Variants in TRPM5 observed in about 807,000 individuals in gnomAD.
The protein encoded by TRPM5 is MLSN1 and TRP-related.
Under a neutral mutation model 124.9 loss-of-function variants are expected in TRPM5, and 121 were observed. The observed-to-expected ratio is 0.97, with a 90% CI of 0.84 to 1.13. The LOEUF (loss-of-function observed/expected upper bound fraction) is 1.13. Among genes scored for constraint, TRPM5 ranks in the 50% most tolerant of loss-of-function variants. The pLI is 0.00. For synonymous variants in TRPM5, 781 were observed against 700.5 expected, an observed-to-expected ratio of 1.11 and a Z score of -1.81; for missense variants, 1,643 against 1,589.1, an observed-to-expected ratio of 1.03 and a Z score of -0.58.
exon 8 of TRPM5, chr11:2,415,935 C>T (rs149066829): frequency 5.3e-5 from 84 of 1,578,878 alleles, no homozygotes; most frequent in Non-Finnish European, 6.9e-5. Context: ...TTGAAGATCT[C>T]ACTCTTGGCG....
intron 11 of TRPM5, 49 bp from the exon 17 acceptor site, chr11:2,414,255 C>T (rs749758208): frequency 3.6e-5 from 56 of 1,561,518 alleles, no homozygotes; most frequent in South Asian, 2.5e-4. Context: ...ATGCCCGGCC[C>T]GGCCCCCGAC....
At chr11:2,405,378 A>G (rs1245902508) in intron 23 of TRPM5, 149 bp downstream of exon 28, 18 of 805,260 alleles carry the variant, frequency 2.2e-5, no homozygotes, top group Non-Finnish European at 3.3e-5. Flanking sequence ...CACCCACACC[A>G]CCCTGAAGAG....
intron 6 of TRPM5, 41 bp downstream of exon 11, chr11:2,418,125 CG>C: frequency 6.8e-7 from 1 of 1,481,126 alleles, no homozygotes; most frequent in Non-Finnish European, 9.1e-7. Flanking sequence ...GCCCCACCCC[CG>C]GAGGAGGGGT....
chr11:2,405,724 C>T (rs1850305558), intron 22 of TRPM5, 131 bp from the exon 28 acceptor site: 1 of 1,048,802 alleles, frequency 9.5e-7, no homozygotes, highest in Non-Finnish European at 1.4e-6. Context: ...AGAGCTGCCG[C>T]TCACAGGCAG....
At chr11:2,416,681 C>T (rs1242559984) in intron 7 of TRPM5, among the ~76,000 whole-genome samples, 2 of 152,146 alleles carry the variant, frequency 1.3e-5, no homozygotes, top group East Asian at 1.9e-4. Context: ...CAGAGCCACC[C>T]GCAGTCCAGA....
rs143202055 is a variant in TRPM5, at chr11:2,416,115, G to A, written c.1010-91C>T. ...GGTCCCCAAAGGTGCGCTGCCTAGA[G>A]ACGCGGAAACGGGAACTTCACGCTG... On this transcript the variant is annotated intron_variant, in intron 7 of 23. Transcript: ENST00000155858. The A allele has an allele frequency of 1.5e-4, 137 of 914,508 alleles. No homozygotes were observed. In the East Asian group the frequency reaches 3.2e-3, roughly 22 times the overall value. 56.6% of individuals were successfully genotyped at this position (914,508 alleles called of 1,614,324 possible). A position where few individuals can be genotyped will look rare whatever the true frequency, so the allele number is the denominator to read the frequency against.
At chr11:2,415,232 C>A in exon 9 of TRPM5, 2 of 1,573,886 alleles carry the variant, frequency 1.3e-6, no homozygotes, top group East Asian at 2.3e-5. Flanking sequence ...CCGGTGGCCC[C>A]GCGGGTGGCT....
Position 2,405,492 on chromosome 11 carries a change from C to T in TRPM5, c.3391+35G>A, listed in dbSNP as rs1191779769. 6 of 1,543,616 alleles carry T rather than the reference C, an allele frequency of 3.9e-6. No homozygotes were observed. The Admixed American group carries it at 9.8e-5, about 25-fold the overall frequency. On this transcript the variant is annotated intron_variant, in intron 23 of 23. Transcript: ENST00000155858. Reference sequence around the variant, plus strand: ...AGCCGCTGCAGAGTGGGTGCCCATGCCCACCCTCATCCCACGCTCCCCAAA... The same window carrying T: ...AGCCGCTGCAGAGTGGGTGCCCATGTCCACCCTCATCCCACGCTCCCCAAA...
exon 15 of TRPM5, chr11:2,412,909 C>T: frequency 1.3e-6 from 2 of 1,598,136 alleles, no homozygotes; most frequent in Non-Finnish European, 1.7e-6. Context: ...CCCAGGAACA[C>T]AGTCACGGGA....
chr11:2,427,971 C>T (rs1281574027), upstream of TRPM5, among the ~76,000 whole-genome samples: 1 of 152,172 alleles, frequency 6.6e-6, no homozygotes, highest in Non-Finnish European at 1.5e-5. Flanking sequence ...GCTGCACAGC[C>T]GTGGGCCAGC....
Position 2,420,220 on chromosome 11 carries a change from A to AC in TRPM5, c.649+1dup. The AC allele has an allele frequency of 6.3e-7, 1 of 1,589,878 alleles. No homozygotes were observed. On this transcript the variant is annotated splice_donor_variant, in intron 4 of 23. Coordinates refer to ENST00000155858, the Ensembl canonical transcript of TRPM5. LOFTEE classifies it high-confidence loss of function. Reference sequence around the variant, plus strand: ...TCCCTGGGTGGCTGGGGCGGGTCTCACCCCCGTAGCCCGCCCTCTGCTCCG... The same window carrying AC: ...TCCCTGGGTGGCTGGGGCGGGTCTCACCCCCCGTAGCCCGCCCTCTGCTCCG...
intron 18 of TRPM5, among the ~76,000 whole-genome samples, chr11:2,408,948 A>G (rs920940933): frequency 3.3e-5 from 5 of 152,200 alleles, no homozygotes; most frequent in South Asian, 2.1e-4. Context: ...GCACACTGGC[A>G]CACACGGGCA....
chr11:2,407,054 C>A, intron 20 of TRPM5, 65 bp downstream of exon 25: 4 of 1,458,174 alleles, frequency 2.7e-6, no homozygotes, highest in Non-Finnish European at 3.6e-6. Flanking sequence ...CTCCAGCGCA[C>A]AGCCCCGCCC....
upstream of TRPM5, among the ~76,000 whole-genome samples, chr11:2,423,895 A>G (rs1845809118): frequency 6.6e-6 from 1 of 152,042 alleles, no homozygotes; most frequent in African/African-American, 2.4e-5. Flanking sequence ...AGCCTGGCTG[A>G]CCTCGGTCTG....
chr11:2,413,691 G>C, intron 12 of TRPM5, 103 bp from the exon 18 acceptor site: 1 of 1,107,664 alleles, frequency 9.0e-7, no homozygotes, highest in Admixed American at 2.3e-5. Context: ...CACGTGAGCT[G>C]AAGGGGTGCC....
the TRPM5 span, among the ~76,000 whole-genome samples, chr11:2,443,031 T>C: frequency 1.3e-5 from 2 of 152,330 alleles, no homozygotes; most frequent in East Asian, 3.9e-4. The surrounding 1 kb of genome is among the most constrained non-coding windows in gnomAD (Gnocchi z 5.0). Context: ...TTGCTAATGG[T>C]GCTTCTATTT....
intron 18 of TRPM5, among the ~76,000 whole-genome samples, chr11:2,408,672 C>A (rs531192553): frequency 2.0e-5 from 3 of 152,344 alleles, no homozygotes; most frequent in East Asian, 3.9e-4. Context: ...TAGGGCTCAA[C>A]CCTGGACCCT....
chr11:2,425,055 G>C (rs1050001269), upstream of TRPM5, among the ~76,000 whole-genome samples: 1 of 152,196 alleles, frequency 6.6e-6, no homozygotes, highest in Non-Finnish European at 1.5e-5. Flanking sequence ...ATTTGAATAC[G>C]GCCTCCCGCG....
chr11:2,431,785 G>C, the TRPM5 span, among the ~76,000 whole-genome samples: 1 of 151,928 alleles, frequency 6.6e-6, no homozygotes, highest in African/African-American at 2.4e-5. Context: ...TGCCTCCCTC[G>C]GTCTCTTCCC....
Sources: gnomAD v4.1 joint callset for allele counts (sites outside exome capture counted in the v4.1 genomes callset) on GRCh38, gnomAD v4.1.1 for gene constraint, Gnocchi (gnomAD v3.1) non-coding constraint, MANE v1.5 for transcripts, NCBI Gene and HGNC (gene_info 2026-07-23, HGNC 2026-07-21) for gene names.